The following XRCC5 variants were observed in gnomAD, a reference collection of about 807,000 sequenced individuals.
XRCC5 encodes the protein DNA repair protein Ku80.
A neutral mutation model predicts 95.7 loss-of-function variants in XRCC5; 12 were observed. That is an observed-to-expected ratio of 0.13 (90% CI 0.08 to 0.20). The LOEUF is 0.20. Ranked by LOEUF, XRCC5 falls within the 10% of genes least tolerant of loss-of-function variation. The probability of loss-of-function intolerance (pLI) is 1.00; values close to 1 mark genes in which losing one functional copy is unlikely to be tolerated. For missense variants in XRCC5, 595 were observed against 873.9 expected, an observed-to-expected ratio of 0.68 and a Z score of 4.02; for synonymous variants, 281 against 290.3, an observed-to-expected ratio of 0.97 and a Z score of 0.33.
intron 16 of XRCC5, among the ~76,000 whole-genome samples, chr2:216,181,039 C>G (rs1171857217): frequency 6.6e-6 from 1 of 152,074 alleles, no homozygotes; most frequent in East Asian, 1.9e-4. Context: ...TCTCGAACTC[C>G]CGACCTCAGA....
chr2:216,126,155 C>T (rs567677938), intron 7 of XRCC5, 124 bp downstream of exon 7: 6 of 741,884 alleles, frequency 8.1e-6, no homozygotes, highest in Non-Finnish European at 1.3e-5. Flanking sequence ...TAGTTGTTCT[C>T]CCTGCTCATT....
Position 216,205,376 on chromosome 2 carries a change from T to G in XRCC5, c.*174T>G. 1 of 690,598 alleles carries G rather than the reference T, an allele frequency of 1.4e-6. No individual in the cohort carries two copies. Among genetic ancestry groups the G allele is most frequent in the Non-Finnish European group, 2.6e-6 (1 of 389,804 alleles). 42.8% of individuals were successfully genotyped at this position (690,598 alleles called of 1,614,324 possible). ...GTGGAATGAATACACACATATATAT[T>G]ACAAGGGATAATTTAGACCCCATAC... On this transcript the variant is annotated 3_prime_UTR_variant, in exon 21 of 21. Transcript: ENST00000392132.
chr2:216,150,326 T>C (rs1688718796), intron 14 of XRCC5, among the ~76,000 whole-genome samples: 1 of 152,166 alleles, frequency 6.6e-6, no homozygotes, highest in Admixed American at 6.5e-5. Flanking sequence ...GAGATTTTCT[T>C]CACCTAAAGA....
intron 1 of XRCC5, among the ~76,000 whole-genome samples, chr2:216,111,971 T>C (rs984125767): frequency 2.6e-5 from 4 of 152,214 alleles, no homozygotes; most frequent in Non-Finnish European, 4.4e-5. Flanking sequence ...CACTACACTG[T>C]TGATACAGAC....
At chr2:216,146,188 G>T (rs1481308200) in intron 13 of XRCC5, among the ~76,000 whole-genome samples, 1 of 152,210 alleles carries the variant, frequency 6.6e-6, no homozygotes, top group Non-Finnish European at 1.5e-5. Flanking sequence ...ATATACTATG[G>T]AGAAGGAATA....
chr2:216,154,458 C>T (rs1688805859), intron 14 of XRCC5, among the ~76,000 whole-genome samples: 1 of 152,182 alleles, frequency 6.6e-6, no homozygotes, highest in African/African-American at 2.4e-5. Context: ...AATAGCATCG[C>T]CCACTGCCAC....
chr2:216,123,226 A>G (rs1696845914), intron 6 of XRCC5, among the ~76,000 whole-genome samples: 1 of 152,160 alleles, frequency 6.6e-6, no homozygotes. Context: ...ATATCTCCTT[A>G]ATATTTTTTC....
intron 19 of XRCC5, among the ~76,000 whole-genome samples, chr2:216,198,938 G>A (rs1044177633): frequency 6.6e-6 from 1 of 151,768 alleles, no homozygotes; most frequent in Non-Finnish European, 1.5e-5. Context: ...ATAATGGGGA[G>A]AATTGCAGAG....
At chr2:216,124,895 T>G (rs780105391) in intron 6 of XRCC5, among the ~76,000 whole-genome samples, 6 of 152,214 alleles carry the variant, frequency 3.9e-5, no homozygotes, top group Non-Finnish European at 8.8e-5. Flanking sequence ...GATGAAAATA[T>G]GATTGATTTT....
At chr2:216,116,868 T>G (rs1287163577) in intron 3 of XRCC5, 26 bp downstream of exon 3, 1 of 1,607,648 alleles carries the variant, frequency 6.2e-7, no homozygotes, top group East Asian at 2.2e-5. Context: ...CAGAGAAGAC[T>G]TTAAGAAATT....
intron 18 of XRCC5, among the ~76,000 whole-genome samples, chr2:216,194,584 TG>T (rs1277234196): frequency 6.6e-6 from 1 of 152,174 alleles, no homozygotes; most frequent in Non-Finnish European, 1.5e-5. Flanking sequence ...AGGCAAAAAC[TG>T]GAGAAAAGAT....
chr2:216,136,995 GAAAGA>G (rs1697093292), intron 10 of XRCC5, 88 bp from the exon 11 acceptor site: 8 of 1,423,522 alleles, frequency 5.6e-6, no homozygotes, highest in Middle Eastern at 3.7e-4. Context: ...ATGTAAAATA[GAAAGA>G]AAGTGATAAC....
chr2:216,111,606 C>T (rs1696592427), intron 1 of XRCC5, among the ~76,000 whole-genome samples: 2 of 152,124 alleles, frequency 1.3e-5, no homozygotes, highest in Admixed American at 6.5e-5. Context: ...CTAGTTATTT[C>T]CAACTGTTCT....
At chr2:216,182,103 T>TG (rs1430324554) in intron 16 of XRCC5, among the ~76,000 whole-genome samples, 1 of 152,178 alleles carries the variant, frequency 6.6e-6, no homozygotes, top group East Asian at 1.9e-4. Flanking sequence ...CTAGAAGACT[T>TG]GTGTGCTGCC....
rs537755152 is a variant in XRCC5 at position 216,123,287 on chromosome 2, G to A, written c.683+1034G>A. Among the ~76,000 whole-genome samples the A allele has an allele frequency of 5.9e-5, 9 of 152,198 alleles. No homozygotes were observed. In the South Asian group the frequency reaches 1.9e-3, roughly 32 times the overall value. ...ATGAGCTATAATTGACAAAAATTAT[G>A]TTCTGATTTTCTAAATACAGACAGC... is the stretch of plus-strand genomic sequence containing the variant. On this transcript the variant is annotated intron_variant, in intron 6 of 20. Transcript: ENST00000392132.
intron 14 of XRCC5, among the ~76,000 whole-genome samples, chr2:216,154,622 T>C (rs1688808446): frequency 6.6e-6 from 1 of 152,264 alleles, no homozygotes; most frequent in African/African-American, 2.4e-5. Context: ...CTTAAAATTC[T>C]TAAAAGTAGT....
intron 14 of XRCC5, among the ~76,000 whole-genome samples, chr2:216,149,869 C>T (rs932043542): frequency 1.3e-5 from 2 of 152,166 alleles, no homozygotes; most frequent in East Asian, 3.8e-4. Context: ...TGGCTCGCAG[C>T]ATAGCTAAGT....
At chr2:216,143,453 G>A (rs1697202674) in intron 13 of XRCC5, among the ~76,000 whole-genome samples, 1 of 152,154 alleles carries the variant, frequency 6.6e-6, no homozygotes. Context: ...ATCTACAGTA[G>A]GTTGTATTTA....
chr2:216,114,727 CCTG>C (rs1024193553), intron 2 of XRCC5, among the ~76,000 whole-genome samples: 69 of 152,152 alleles, frequency 4.5e-4, no homozygotes, highest in Non-Finnish European at 8.1e-4. Flanking sequence ...ACAGAAAACA[CCTG>C]GAGTTAGCAA....
Sources: gnomAD v4.1 joint callset for allele counts (sites outside exome capture counted in the v4.1 genomes callset) on GRCh38, gnomAD v4.1.1 for gene constraint, MANE v1.5 for transcripts, NCBI Gene and HGNC (gene_info 2026-07-23, HGNC 2026-07-21) for gene names.